Variants in SCARF1 observed in about 807,000 individuals in gnomAD.
SCARF1 encodes the protein acetyl LDL receptor.
SCARF1 carries 49 observed loss-of-function variants against 76.3 expected under a neutral mutation model. The ratio of observed to expected loss-of-function variants is 0.64; its 90% CI spans 0.51 to 0.81. SCARF1 has a LOEUF of 0.81. SCARF1 is among the 40% of genes least tolerant of loss of function. The probability of loss-of-function intolerance (pLI) is 0.00; values close to 1 mark genes in which losing one functional copy is unlikely to be tolerated. For synonymous variants in SCARF1, 495 were observed against 474.6 expected (o/e 1.04, Z -0.56); for missense variants, 1,098 against 1,143.9 (o/e 0.96, Z 0.58).
chr17:1,640,744 C>T lies in SCARF1; in HGVS notation c.792-78G>A, dbSNP rs1266174806. 25 of 1,382,930 alleles carry T rather than the reference C, an allele frequency of 1.8e-5. No homozygotes were observed. The highest frequency in any genetic ancestry group is 3.9e-5 in the Admixed American group (2 of 50,986). 85.7% of individuals were successfully genotyped at this position (1,382,930 alleles called of 1,614,324 possible). On this transcript the variant is annotated intron_variant, in intron 4 of 10. Transcript: ENST00000263071. The surrounding 1 kb of genome is among the most constrained non-coding windows in gnomAD (Gnocchi z 4.7). Reference sequence around the variant, plus strand: ...CACCCCCTCCTACCCCTGTACTCCACGCAGGCCTTCGGGGGCCCTGGAGAG... The same window carrying T: ...CACCCCCTCCTACCCCTGTACTCCATGCAGGCCTTCGGGGGCCCTGGAGAG...
Position 1,640,537 on chromosome 17 carries a change from T to C in SCARF1, c.921A>G (p.Glu307=). 6.2e-7 allele frequency: 1 copy of C among 1,603,068 alleles called. No homozygotes were observed. Among genetic ancestry groups the C allele is most frequent in the Non-Finnish European group, 8.5e-7 (1 of 1,174,920 alleles). The change falls in exon 5 of 11, where the codon GAA becomes GAG. Residue 307 remains glutamate (E), a synonymous_variant. Coordinates refer to ENST00000263071, the MANE Select transcript of SCARF1 (RefSeq NM_003693.4). The surrounding 1 kb of genome is among the most constrained non-coding windows in gnomAD (Gnocchi z 4.7). ...CATGTCGGCAGTGAGGGCACTGCTGTTCGCAGCTCTCGCCAAAGGTGCCAG... is the reference window on the plus strand; with the variant it reads ...CATGTCGGCAGTGAGGGCACTGCTGCTCGCAGCTCTCGCCAAAGGTGCCAG... ...CLPGTFGESC[E]QQCPHCRHGE... is the part of the protein sequence containing the mutation.
In SCARF1 at chr17:1,639,934, T is replaced by A. The variant is rs1352333863; in HGVS notation, c.1117A>T (p.Ser373Cys). The change falls in exon 6 of 11, where the codon AGT (serine) becomes TGT (cysteine). Residue 373 changes from serine (S) to cysteine (C), a missense_variant. Transcript: ENST00000263071. ...TACCTGGGCCCCCAGTAGCCGGCAC[T>A]GCAGACACAGTCCCCTGTCACAGTA... ...CDTVTGDCVCSAGYWGPSCNA... is the reference protein window; with the variant it reads ...CDTVTGDCVCCAGYWGPSCNA... 6 of 1,613,772 alleles carry A rather than the reference T, an allele frequency of 3.7e-6. No individual in the cohort carries two copies. In the African/African-American group the frequency reaches 8.0e-5, roughly 22 times the overall value.
intron 8 of SCARF1, 75 bp from the exon 9 acceptor site, chr17:1,637,137 CA>C: frequency 1.3e-6 from 2 of 1,535,308 alleles, no homozygotes; most frequent in Non-Finnish European, 1.8e-6. Flanking sequence ...CAGGGTGTGA[CA>C]GGGTGACTGC....
chr17:1,640,651 T>C lies in SCARF1; in HGVS notation c.807A>G (p.Lys269=). Residue 269 remains lysine (K), a synonymous_variant, in exon 5 of 11, where the codon AAA becomes AAG. Coordinates refer to ENST00000263071, the MANE Select transcript of SCARF1 (RefSeq NM_003693.4). The surrounding 1 kb of genome is among the most constrained non-coding windows in gnomAD (Gnocchi z 4.7). The part of the protein sequence containing the change: ...VQCAHSCGRC[K]HNEPCSPDTG... ...TGTCTGGAGAGCACGGCTCATTGTG[T>C]TTGCAGCGGCCACAGCTGGGAAGAG... 2 of 1,612,250 alleles carry C rather than the reference T, an allele frequency of 1.2e-6. No individual in the cohort carries two copies. Among genetic ancestry groups the C allele is most frequent in the Non-Finnish European group, 1.7e-6 (2 of 1,179,514 alleles).
rs1910357580 is a variant in SCARF1 at position 1,644,553 on chromosome 17, C to T, written c.265+281G>A. ...ATGTGGGAAAGGCAAGTAATACACT[C>T]ATTTTACAATGAAGGGGAATCACAG... On this transcript the variant is annotated intron_variant, in intron 3 of 10. Coordinates refer to ENST00000263071, the MANE Select transcript of SCARF1 (RefSeq NM_003693.4). The surrounding 1 kb of genome is among the most constrained non-coding windows in gnomAD (Gnocchi z 4.8). The T allele has an allele frequency of 1.7e-6, 1 of 579,860 alleles. No homozygotes were observed. The allele number at this position is 579,860 out of a possible 1,614,324, so 35.9% of individuals were successfully genotyped here. A position where few individuals can be genotyped will look rare whatever the true frequency, so the allele number is the denominator to read the frequency against.
chr17:1,639,888 C>T (rs144103456), intron 6 of SCARF1, 24 bp downstream of exon 6: 27,457 of 1,612,004 alleles, frequency 0.017, 324 homozygotes, highest in South Asian at 0.027. Flanking sequence ...GGCACTCTCC[C>T]GCCCCCGGGA....
intron 8 of SCARF1, chr17:1,638,131 T>C (rs1471242609): frequency 6.6e-6 from 1 of 152,158 alleles, no homozygotes; most frequent in Non-Finnish European, 1.5e-5. Context: ...ATTGAGGACA[T>C]TTATCCTCCC....
rs144909941 is a variant in SCARF1 at position 1,635,355 on chromosome 17, G to T, written c.1896C>A (p.Ala632=). ...CTTCCTCTGGGCCTGTGGACTCTTC[G>T]GCTTCCCGGCCCTCAGGACCCGACT... ...GAQSGPEGRE[A]EESTGPEEAE... The change falls in exon 11 of 11, where the codon GCC becomes GCA. Residue 632 remains alanine, a synonymous_variant. Transcript: ENST00000263071. 1.5e-4 allele frequency: 248 copies of T among 1,613,132 alleles called. 1 individual carries two copies. The Middle Eastern group carries it at 3.8e-3, about 25-fold the overall frequency.
chr17:1,640,429 A>G lies in SCARF1; in HGVS notation c.1010+19T>C. Reference sequence around the variant, plus strand: ...CTGGGGGAAGGTGTACCCCACCCTGAACAGAATGGTGCCCTCACCTGGGCC... The same window carrying G: ...CTGGGGGAAGGTGTACCCCACCCTGGACAGAATGGTGCCCTCACCTGGGCC... On this transcript the variant is annotated intron_variant, in intron 5 of 10. Transcript: ENST00000263071. This position sits in a 1 kb window ranked among gnomAD's most constrained non-coding sequence, Gnocchi z 4.7. The G allele has an allele frequency of 6.5e-7, 1 of 1,544,806 alleles. No individual in the cohort carries two copies. The highest frequency in any genetic ancestry group is 2.2e-4 in the Middle Eastern group (1 of 4,466).
At position 1,643,777 on chromosome 17, in the gene SCARF1, G is replaced by C; in HGVS notation, c.456C>G (p.Pro152=). ...GGCGGCACGTGGACGACCACCAGCC[G>C]GGTTCGCAGTGGCACACGCCGGTCG... The part of the protein sequence containing the change: ...DPATGVCHCE[P]GWWSSTCRRP... The change falls in exon 4 of 11, where the codon CCC becomes CCG. Residue 152 remains proline (P), a synonymous_variant. Coordinates refer to ENST00000263071, the MANE Select transcript of SCARF1 (RefSeq NM_003693.4). The C allele has an allele frequency of 7.8e-7, 1 of 1,278,360 alleles. No individual in the cohort carries two copies. The highest frequency in any genetic ancestry group is 9.8e-7 in the Non-Finnish European group (1 of 1,016,494). The allele number at this position is 1,278,360 out of a possible 1,614,324, so 79.2% of individuals were successfully genotyped here. A position where few individuals can be genotyped will look rare whatever the true frequency, so the allele number is the denominator to read the frequency against.
rs199935845 is a variant in SCARF1, at chr17:1,635,415, C to G, written c.1836G>C (p.Pro612=). 3.7e-6 allele frequency: 6 copies of G among 1,613,782 alleles called. No homozygotes were observed. Among genetic ancestry groups the G allele is most frequent in the Non-Finnish European group, 5.1e-6 (6 of 1,179,886 alleles). The change falls in exon 11 of 11, where the codon CCG becomes CCC. Residue 612 remains proline (P), a synonymous_variant. Transcript: ENST00000263071. ...GGGAGAGCCTCTTGGGCTTTCGGAG[C>G]GGGCTGGAGAGCTCCCCTGAGCTTC... ...SRRSSGELSS[P]LRKPKRLSRG... is the part of the protein sequence containing the mutation.
chr17:1,637,484 A>C (rs904709848), intron 8 of SCARF1, among the ~76,000 whole-genome samples: 4 of 146,996 alleles, frequency 2.7e-5, no homozygotes, highest in African/African-American at 7.7e-5. Flanking sequence ...CTCTCTCTCT[A>C]TTTTTGGGAC....
rs1910256303 is a variant in SCARF1, at chr17:1,643,481, G to A, written c.752C>T (p.Pro251Leu). 1 of 1,328,188 alleles carries A rather than the reference G, an allele frequency of 7.5e-7. No homozygotes were observed. Among genetic ancestry groups the A allele is most frequent in the Non-Finnish European group, 9.6e-7 (1 of 1,046,720 alleles). The allele number at this position is 1,328,188 out of a possible 1,614,324, so 82.3% of individuals were successfully genotyped here. ...CACCCCGTGGCTGCCTGCCGGGCAG[G>A]GCAGCTCGCAGCGCGCTCCGCGGAA... ...PGFRGARCEL[P>L]CPAGSHGVQC... Residue 251 changes from proline to leucine, a missense_variant, in exon 4 of 11, where the codon CCC becomes CTC. Physicochemically the swap from Pro to Leu is moderately conservative, Grantham distance 98. Coordinates refer to ENST00000263071, the MANE Select transcript of SCARF1 (RefSeq NM_003693.4).
At position 1,640,330 on chromosome 17, in the gene SCARF1, A is replaced by AG; in HGVS notation, c.1010+117dup. 1 of 983,904 alleles carries AG rather than the reference A, an allele frequency of 1.0e-6. No homozygotes were observed. The highest frequency in any genetic ancestry group is 1.5e-6 in the Non-Finnish European group (1 of 667,788). The allele number at this position is 983,904 out of a possible 1,614,324, so 60.9% of individuals were successfully genotyped here. A position where few individuals can be genotyped will look rare whatever the true frequency, so the allele number is the denominator to read the frequency against. On this transcript the variant is annotated intron_variant, in intron 5 of 10. Transcript: ENST00000263071. The surrounding 1 kb of genome is among the most constrained non-coding windows in gnomAD (Gnocchi z 4.7). ...TCTCCCCCAGTCTTCAACAGGAGGG[A>AG]GGCCCCTGGGGCCGCATGAACCTGT... is the stretch of plus-strand genomic sequence containing the variant.
intron 10 of SCARF1, among the ~76,000 whole-genome samples, chr17:1,635,969 A>G (rs980804079): frequency 6.6e-6 from 1 of 151,524 alleles, no homozygotes; most frequent in African/African-American, 2.4e-5. Context: ...ATACTGTCAC[A>G]CTCTTACCAA....
chr17:1,643,806 G>GGTCGCAGC lies in SCARF1; in HGVS notation c.419_426dup (p.Pro143AlafsTer227). On this transcript the variant is annotated frameshift_variant, in exon 4 of 11. Transcript: ENST00000263071. LOFTEE classifies it high-confidence loss of function. Reference sequence around the variant, plus strand: ...TCGCAGTGGCACACGCCGGTCGCGGGGTCGCAGCGCCCGTGGGGGCCGCAG... The same window carrying GGTCGCAGC: ...TCGCAGTGGCACACGCCGGTCGCGGGGTCGCAGCGTCGCAGCGCCCGTGGGGGCCGCAG... 7.9e-7 allele frequency: 1 copy of GGTCGCAGC among 1,266,684 alleles called. No homozygotes were observed. Among genetic ancestry groups the GGTCGCAGC allele is most frequent in the Middle Eastern group, 3.0e-4 (1 of 3,312 alleles). The allele number at this position is 1,266,684 out of a possible 1,614,324, so 78.5% of individuals were successfully genotyped here. A position where few individuals can be genotyped will look rare whatever the true frequency, so the allele number is the denominator to read the frequency against.
At chr17:1,641,195 A>C (rs1910025294) in intron 4 of SCARF1, among the ~76,000 whole-genome samples, 1 of 152,220 alleles carries the variant, frequency 6.6e-6, no homozygotes, top group Non-Finnish European at 1.5e-5. Flanking sequence ...CGTAGAGATG[A>C]CCAGCAGGGG....
intron 10 of SCARF1, 54 bp downstream of exon 10, chr17:1,636,655 G>C: frequency 6.3e-7 from 1 of 1,578,362 alleles, no homozygotes; most frequent in African/African-American, 1.4e-5. Flanking sequence ...GACTAAAGAG[G>C]GGGTCGTGGT....
rs764322421 is a variant in SCARF1, at chr17:1,637,356, CTA to C, written c.1365-296_1365-295del. 8.5e-3 allele frequency among the ~76,000 whole-genome samples: 1,279 copies of C among 150,990 alleles called. 5 individuals carry two copies. The highest frequency in any genetic ancestry group is 0.016 in the African/African-American group (672 of 41,014). On this transcript the variant is annotated intron_variant, in intron 8 of 10. Coordinates refer to ENST00000263071, the MANE Select transcript of SCARF1 (RefSeq NM_003693.4). The stretch of plus-strand genomic sequence containing the variant: ...TCTATCTATCTATCTATCTATCTAT[CTA>C]TCTATCTATCTATATCTATCCATCT...
Sources: allele counts gnomAD v4.1 joint callset (sites outside exome capture counted in the v4.1 genomes callset), GRCh38; gene constraint gnomAD v4.1.1; non-coding constraint Gnocchi (gnomAD v3.1); transcripts MANE v1.5; gene names NCBI Gene and HGNC (gene_info 2026-07-23, HGNC 2026-07-21).